The following FOXP4 variants were observed in gnomAD, a reference collection of about 807,000 sequenced individuals.
FOXP4 encodes the protein forkhead box protein P4.
Under a neutral mutation model 82.6 loss-of-function variants are expected in FOXP4, and 25 were observed. The observed-to-expected ratio is 0.30, with a 90% confidence interval of 0.22 to 0.42. The LOEUF (loss-of-function observed/expected upper bound fraction) is 0.42, where lower values mean the gene tolerates loss of function less well. FOXP4 is among the 10% of genes least tolerant of loss of function. The probability of loss-of-function intolerance (pLI) is 1.00; values close to 1 mark genes in which losing one functional copy is unlikely to be tolerated. For missense variants in FOXP4, 785 were observed against 900.9 expected (o/e 0.87, Z 1.65); for synonymous variants, 415 against 388.2 (o/e 1.07, Z -0.81).
rs1165713304 is a variant in FOXP4, at chr6:41,598,808, G to C, written c.1915G>C (p.Glu639Gln). 6.4e-7 allele frequency: 1 copy of C among 1,566,044 alleles called. No homozygotes were observed. Among genetic ancestry groups the C allele is most frequent in the Admixed American group, 1.9e-5 (1 of 51,714 alleles). Residue 639 changes from glutamate to glutamine, a missense_variant, in exon 17 of 17, where the codon GAG (glutamate) becomes CAG (glutamine). Coordinates refer to ENST00000307972, the MANE Select transcript of FOXP4 (RefSeq NM_001012426.2). ...PQYSHQVQVK[E>Q]EPAEAEEDRQ... ...CCTCAGCCACCAGGTGCAGGTGAAG[G>C]AGGAGCCAGCAGAGGCAGAGGAAGA...
chr6:41,597,403 G>A (rs531276238), intron 15 of FOXP4, among the ~76,000 whole-genome samples, 161 bp downstream of exon 15: 4 of 152,232 alleles, frequency 2.6e-5, no homozygotes, highest in Admixed American at 6.5e-5. Context: ...ACCCCAACTC[G>A]GGGCCAGCCT....
intron 1 of FOXP4, among the ~76,000 whole-genome samples, chr6:41,563,417 C>T (rs762672428): frequency 1.3e-5 from 2 of 152,168 alleles, no homozygotes; most frequent in Non-Finnish European, 2.9e-5. Context: ...AATCACAGTC[C>T]AGTCTCTTTC....
chr6:41,553,219 C>T (rs1411844634), intron 1 of FOXP4, among the ~76,000 whole-genome samples: 1 of 152,144 alleles, frequency 6.6e-6, no homozygotes, highest in Non-Finnish European at 1.5e-5. Context: ...TGCTGCCTGC[C>T]CCCTCCCACC....
rs1304490662 is a variant in FOXP4 at position 41,601,868 on chromosome 6, T to A, written c.*2932T>A. On this transcript the variant is annotated 3_prime_UTR_variant, in exon 17 of 17. Coordinates refer to ENST00000307972, the MANE Select transcript of FOXP4 (RefSeq NM_001012426.2). Reference sequence around the variant, plus strand: ...CCTAGGGACAAGGCCCAGGGAAGAGTGTATTTGGGGAGCAGGGGAGGGGAG... The same window carrying A: ...CCTAGGGACAAGGCCCAGGGAAGAGAGTATTTGGGGAGCAGGGGAGGGGAG... 1.3e-5 allele frequency: 2 copies of A among 151,258 alleles called. No individual in the cohort carries two copies. Among genetic ancestry groups the A allele is most frequent in the African/African-American group, 4.9e-5 (2 of 41,078 alleles). The allele number at this position is 151,258 out of a possible 1,614,324, so 9.4% of individuals were successfully genotyped here. A position where few individuals can be genotyped will look rare whatever the true frequency, so the allele number is the denominator to read the frequency against.
In FOXP4 at chr6:41,599,241, T is replaced by G; in HGVS notation, c.*305T>G. 8.5e-6 allele frequency: 2 copies of G among 236,010 alleles called. No individual in the cohort carries two copies. The highest frequency in any genetic ancestry group is 8.2e-6 in the Non-Finnish European group (1 of 121,826). 14.6% of individuals were successfully genotyped at this position (236,010 alleles called of 1,614,324 possible). A position where few individuals can be genotyped will look rare whatever the true frequency, so the allele number is the denominator to read the frequency against. On this transcript the variant is annotated 3_prime_UTR_variant, in exon 17 of 17. Coordinates refer to ENST00000307972, the MANE Select transcript of FOXP4 (RefSeq NM_001012426.2). ...CCAACCACCAGCAGCAGCAGGGCCC[T>G]CCTCCCCCACCAGCTCTCCCCACAG...
chr6:41,581,518 A>G (rs1765801106), intron 3 of FOXP4, among the ~76,000 whole-genome samples: 1 of 152,200 alleles, frequency 6.6e-6, no homozygotes, highest in Non-Finnish European at 1.5e-5. Flanking sequence ...ATGGTGACTC[A>G]TGGGCCCTGC....
At chr6:41,551,736 T>C (rs1273218650) in intron 1 of FOXP4, among the ~76,000 whole-genome samples, 2 of 152,078 alleles carry the variant, frequency 1.3e-5, no homozygotes, top group Admixed American at 6.6e-5. Context: ...CAGAAGTTAC[T>C]CAAGTAGCAG....
intron 1 of FOXP4, among the ~76,000 whole-genome samples, chr6:41,552,564 CA>C (rs1471547857): frequency 1.3e-5 from 2 of 152,176 alleles, no homozygotes; most frequent in African/African-American, 2.4e-5. Context: ...ATTGTTCCCT[CA>C]GTGAGTTTTT....
At chr6:41,555,437 A>G (rs1260745223) in intron 1 of FOXP4, among the ~76,000 whole-genome samples, 1 of 152,202 alleles carries the variant, frequency 6.6e-6, no homozygotes, top group Non-Finnish European at 1.5e-5. Context: ...TGAGGAAATG[A>G]AGGGAGGGGC....
At chr6:41,583,887 G>A (rs1026760588) in intron 3 of FOXP4, among the ~76,000 whole-genome samples, 1 of 152,188 alleles carries the variant, frequency 6.6e-6, no homozygotes, top group Non-Finnish European at 1.5e-5. Context: ...CCCAGGGCAG[G>A]GGGTAGAAAG....
At chr6:41,561,032 C>G (rs1275771678) in intron 1 of FOXP4, among the ~76,000 whole-genome samples, 1 of 152,222 alleles carries the variant, frequency 6.6e-6, no homozygotes, top group Non-Finnish European at 1.5e-5. Flanking sequence ...GGGCGTCCCT[C>G]GTTGCGCACT....
rs77073747 is a variant in FOXP4 at position 41,593,006 on chromosome 6, G to A, written c.1536+1684G>A. ...GTGGGTGACTTTGCCAGTTAGCAGT[G>A]TTCTGCTGCTGCCTCTGTGCCTGAG... On this transcript the variant is annotated intron_variant, in intron 13 of 16. Transcript: ENST00000307972. The surrounding 1 kb of genome is among the most constrained non-coding windows in gnomAD (Gnocchi z 4.1). Among the ~76,000 whole-genome samples, 2,097 of 151,030 alleles carry A rather than the reference G, an allele frequency of 0.014. 24 individuals are homozygous for A. The highest frequency in any genetic ancestry group is 0.041 in the South Asian group (194 of 4,780).
At position 41,565,998 on chromosome 6, in the gene FOXP4, C is replaced by T. The variant is rs545903722; in HGVS notation, c.204+34C>T. 3.7e-5 allele frequency: 59 copies of T among 1,588,158 alleles called. No individual in the cohort carries two copies. In the South Asian group the frequency reaches 5.0e-4, roughly 13 times the overall value. Reference sequence around the variant, plus strand: ...TGGTGCGCCTTGGGGTATCTGGGAGCGGGAGAGGGGCACTAGGCTGCATTC... The same window carrying T: ...TGGTGCGCCTTGGGGTATCTGGGAGTGGGAGAGGGGCACTAGGCTGCATTC... On this transcript the variant is annotated intron_variant, in intron 2 of 16. Coordinates refer to ENST00000307972, the MANE Select transcript of FOXP4 (RefSeq NM_001012426.2).
At chr6:41,595,102 G>T (rs536303639) in intron 14 of FOXP4, 111 bp downstream of exon 14, 11 of 1,494,398 alleles carry the variant, frequency 7.4e-6, no homozygotes, top group Non-Finnish European at 9.1e-6. Flanking sequence ...CTTCCTGGCT[G>T]GGGGAAGGGG....
rs41303368 is a variant in FOXP4 at position 41,600,680 on chromosome 6, C to T, written c.*1744C>T. 1 of 152,318 alleles carries T rather than the reference C, an allele frequency of 6.6e-6. No individual in the cohort carries two copies. Among genetic ancestry groups the T allele is most frequent in the South Asian group, 2.1e-4 (1 of 4,836 alleles). The allele number at this position is 152,318 out of a possible 1,614,324, so 9.4% of individuals were successfully genotyped here. On this transcript the variant is annotated 3_prime_UTR_variant, in exon 17 of 17. Coordinates refer to ENST00000307972, the MANE Select transcript of FOXP4 (RefSeq NM_001012426.2). ...GGGAGGAGCATTAAAGCTGAAAGAT[C>T]GCTCTGCTCGGGGAGCCTGGGCAGA...
In FOXP4 at chr6:41,591,625, G is replaced by A. The variant is rs753728318; in HGVS notation, c.1536+303G>A. Among the ~76,000 whole-genome samples, 1 of 152,150 alleles carries A rather than the reference G, an allele frequency of 6.6e-6. No homozygotes were observed. Among genetic ancestry groups the A allele is most frequent in the Non-Finnish European group, 1.5e-5 (1 of 68,028 alleles). ...CCAGCCCCACGAGGTAGGGCCTCTA[G>A]GAATTGCTAATGCCCAAGCTTGATA... On this transcript the variant is annotated intron_variant, in intron 13 of 16. Coordinates refer to ENST00000307972, the MANE Select transcript of FOXP4 (RefSeq NM_001012426.2). The surrounding 1 kb of genome is among the most constrained non-coding windows in gnomAD (Gnocchi z 4.2).
At chr6:41,598,739 A>G in intron 16 of FOXP4, 50 bp from the exon 17 acceptor site, 2 of 1,548,424 alleles carry the variant, frequency 1.3e-6, no homozygotes, top group Non-Finnish European at 1.7e-6. Context: ...CAGGGGGCAG[A>G]GGGCATCAGA....
At chr6:41,576,261 G>A (rs1266140601) in intron 2 of FOXP4, among the ~76,000 whole-genome samples, 2 of 152,142 alleles carry the variant, frequency 1.3e-5, no homozygotes, top group Non-Finnish European at 2.9e-5. Context: ...TTTGCTGCAG[G>A]ACACCTTCCC....
chr6:41,597,347 A>G, intron 15 of FOXP4, 105 bp downstream of exon 15: 2 of 1,226,652 alleles, frequency 1.6e-6, no homozygotes, highest in Non-Finnish European at 1.2e-6. Context: ...AGAGGAGGGA[A>G]GGAGGGTGAA....
Sources: gnomAD v4.1 joint callset for allele counts (sites outside exome capture counted in the v4.1 genomes callset) on GRCh38, gnomAD v4.1.1 for gene constraint, Gnocchi (gnomAD v3.1) non-coding constraint, MANE v1.5 for transcripts, NCBI Gene and HGNC (gene_info 2026-07-23, HGNC 2026-07-21) for gene names.